Variants in INSIG1 observed in about 807,000 individuals in gnomAD.
INSIG1 encodes the protein insulin induced gene 1, also known as insulin-induced gene 1 protein.
Under a neutral mutation model 26.5 loss-of-function variants are expected in INSIG1, and 14 were observed. The ratio of observed to expected loss-of-function variants is 0.53; its 90% confidence interval spans 0.35 to 0.83. The LOEUF (loss-of-function observed/expected upper bound fraction) is 0.83, where lower values mean the gene tolerates loss of function less well. INSIG1 is among the 40% of genes least tolerant of loss of function. The pLI is 0.01. For missense variants in INSIG1, 272 were observed against 368.9 expected (o/e 0.74, Z 2.15); for synonymous variants, 147 against 153.3 (o/e 0.96, Z 0.30).
At chr7:155,303,340 G>A (rs62471612) in intron 5 of INSIG1, among the ~76,000 whole-genome samples, 29,484 of 152,234 alleles carry the variant, frequency 0.19, 3,430 homozygotes, top group Middle Eastern at 0.28. Context: ...AGTCTGTCTC[G>A]GGCCAGGGCA....
At chr7:155,298,142 G>A (rs929755659) in intron 1 of INSIG1, 117 bp from the exon 2 acceptor site, 5 of 815,834 alleles carry the variant, frequency 6.1e-6, no homozygotes, top group Non-Finnish European at 8.5e-6. Flanking sequence ...GGGCGCACGG[G>A]GGTCTAACCT....
chr7:155,301,844 T>C (rs1054500043), intron 3 of INSIG1, among the ~76,000 whole-genome samples, 154 bp downstream of exon 3: 1 of 151,192 alleles, frequency 6.6e-6, no homozygotes, highest in Non-Finnish European at 1.5e-5. Context: ...GAAAGAAGAA[T>C]GGGGCTATCG....
chr7:155,308,334 T>G lies in INSIG1; in HGVS notation c.*64T>G. 6.3e-7 allele frequency: 1 copy of G among 1,595,028 alleles called. No homozygotes were observed. Among genetic ancestry groups the G allele is most frequent in the East Asian group, 2.2e-5 (1 of 44,786 alleles). On this transcript the variant is annotated 3_prime_UTR_variant, in exon 6 of 6. Transcript: ENST00000340368. Reference sequence around the variant, plus strand: ...TGGAAGAAAATCTGACTGTGGATTATGACAAAGATTATCTTTTTTCTTAAG... The same window carrying G: ...TGGAAGAAAATCTGACTGTGGATTAGGACAAAGATTATCTTTTTTCTTAAG...
chr7:155,303,091 G>A (rs1797834017), intron 5 of INSIG1: 1 of 367,148 alleles, frequency 2.7e-6, no homozygotes, highest in Non-Finnish European at 5.1e-6. Context: ...CCTTTGAATT[G>A]CAGATGTGGT....
intron 5 of INSIG1, among the ~76,000 whole-genome samples, chr7:155,305,290 T>A (rs1310774520): frequency 6.6e-6 from 1 of 152,204 alleles, no homozygotes; most frequent in Non-Finnish European, 1.5e-5. Flanking sequence ...TCCTTACCTC[T>A]GGATCCCAAC....
At position 155,302,977 on chromosome 7, in the gene INSIG1, C is replaced by G; in HGVS notation, c.804+131C>G. On this transcript the variant is annotated intron_variant, in intron 5 of 5. Transcript: ENST00000340368. The surrounding 1 kb of genome is among the most constrained non-coding windows in gnomAD (Gnocchi z 4.3). ...CTTGAGTGACAACTACTGAGAAAAG[C>G]TTATATTTAAAAAAATAGGTAATGA... 1.8e-6 allele frequency: 1 copy of G among 558,880 alleles called. No homozygotes were observed. Among genetic ancestry groups the G allele is most frequent in the East Asian group, 2.8e-5 (1 of 36,304 alleles). 34.6% of individuals were successfully genotyped at this position (558,880 alleles called of 1,614,324 possible).
intron 5 of INSIG1, among the ~76,000 whole-genome samples, chr7:155,304,308 A>G (rs1230805029): frequency 6.6e-6 from 1 of 152,182 alleles, no homozygotes; most frequent in Non-Finnish European, 1.5e-5. Context: ...TGGAAATAGT[A>G]TGTTGTTTTC....
chr7:155,305,480 C>T (rs931107459), intron 5 of INSIG1, among the ~76,000 whole-genome samples: 1 of 152,212 alleles, frequency 6.6e-6, no homozygotes, highest in Admixed American at 6.5e-5. Context: ...CCACATTCCA[C>T]TCTTGTCATA....
Position 155,298,896 on chromosome 7 carries a change from C to G in INSIG1, c.412+199C>G, listed in dbSNP as rs115472901. 4.5e-3 allele frequency among the ~76,000 whole-genome samples: 692 copies of G among 152,342 alleles called. 1 individual carries two copies. Among genetic ancestry groups the G allele is most frequent in the African/African-American group, 0.016 (659 of 41,584 alleles). On this transcript the variant is annotated intron_variant, in intron 2 of 5. Coordinates refer to ENST00000340368, the MANE Select transcript of INSIG1 (RefSeq NM_005542.6). The stretch of plus-strand genomic sequence containing the variant: ...CCCCGAGGGCGGGTTCGGGCCACAG[C>G]TCTCTGAAGTTTGAGGAAGCACAGT...
Position 155,298,274 on chromosome 7 carries a change from C to T in INSIG1, c.-12C>T. 2 of 1,470,660 alleles carry T rather than the reference C, an allele frequency of 1.4e-6. No homozygotes were observed. The highest frequency in any genetic ancestry group is 1.8e-6 in the Non-Finnish European group (2 of 1,115,078). The allele number at this position is 1,470,660 out of a possible 1,614,324, so 91.1% of individuals were successfully genotyped here. On this transcript the variant is annotated 5_prime_UTR_variant, in exon 2 of 6. It adds an upstream start codon to the 5' untranslated region. Coordinates refer to ENST00000340368, the MANE Select transcript of INSIG1 (RefSeq NM_005542.6). Reference sequence around the variant, plus strand: ...CTTCTTCCAGGAAGCGCCTCTTGGACGCGTGTGACCGATGCCCAGATTGCA... The same window carrying T: ...CTTCTTCCAGGAAGCGCCTCTTGGATGCGTGTGACCGATGCCCAGATTGCA...
At chr7:155,298,748 T>G (rs773774481) in intron 2 of INSIG1, 51 bp downstream of exon 2, 1 of 1,526,876 alleles carries the variant, frequency 6.5e-7, no homozygotes, top group East Asian at 2.3e-5. Flanking sequence ...TCTTTTCGGT[T>G]GAAAGTACTT....
chr7:155,302,902 A>G lies in INSIG1; in HGVS notation c.804+56A>G. On this transcript the variant is annotated intron_variant, in intron 5 of 5. Transcript: ENST00000340368. The surrounding 1 kb of genome is among the most constrained non-coding windows in gnomAD (Gnocchi z 4.3). ...ACTTGCGTCTCTTTACCTTGATAGA[A>G]TGACTTTACATGATACATTCAAATT... The G allele has an allele frequency of 8.9e-7, 1 of 1,121,696 alleles. No individual in the cohort carries two copies. The highest frequency in any genetic ancestry group is 1.3e-5 in the South Asian group (1 of 79,286). The allele number at this position is 1,121,696 out of a possible 1,614,324, so 69.5% of individuals were successfully genotyped here. A position where few individuals can be genotyped will look rare whatever the true frequency, so the allele number is the denominator to read the frequency against.
intron 5 of INSIG1, chr7:155,303,899 GA>G: frequency 7.4e-7 from 1 of 1,358,954 alleles, no homozygotes; most frequent in Non-Finnish European, 9.8e-7. Flanking sequence ...ATTACAGGTA[GA>G]ATTTGCAGTC....
intron 5 of INSIG1, among the ~76,000 whole-genome samples, chr7:155,305,968 T>TA (rs1797925444): frequency 6.6e-6 from 1 of 152,188 alleles, no homozygotes; most frequent in South Asian, 2.1e-4. Context: ...ATCAGCCTGT[T>TA]ACGGTTTTTT....
At chr7:155,303,788 C>T in intron 5 of INSIG1, 1 of 1,217,972 alleles carries the variant, frequency 8.2e-7, no homozygotes, top group South Asian at 1.2e-5. Flanking sequence ...CTTAGTACCT[C>T]ATGCTATTTT....
intron 1 of INSIG1, 75 bp from the exon 2 acceptor site, chr7:155,298,184 C>T (rs948264182): frequency 1.3e-4 from 158 of 1,253,060 alleles, no homozygotes; most frequent in Non-Finnish European, 1.6e-4. Context: ...GGCCCGGGTG[C>T]CGGGGTTCGC....
chr7:155,298,259 G>C lies in INSIG1; in HGVS notation c.-27G>C. ...GAACTTGATGACCCCCTTCTTCCAG[G>C]AAGCGCCTCTTGGACGCGTGTGACC... On this transcript the variant is annotated splice_region_variant and 5_prime_UTR_variant, in exon 2 of 6. Coordinates refer to ENST00000340368, the MANE Select transcript of INSIG1 (RefSeq NM_005542.6). 1 of 1,458,808 alleles carries C rather than the reference G, an allele frequency of 6.9e-7. No individual in the cohort carries two copies. The highest frequency in any genetic ancestry group is 9.0e-7 in the Non-Finnish European group (1 of 1,108,878). 90.4% of individuals were successfully genotyped at this position (1,458,808 alleles called of 1,614,324 possible).
Position 155,298,347 on chromosome 7 carries a change from GC to G in INSIG1, c.68del (p.Pro23ArgfsTer15), listed in dbSNP as rs762261778. 2.6e-6 allele frequency: 4 copies of G among 1,509,552 alleles called. No individual in the cohort carries two copies. The highest frequency in any genetic ancestry group is 2.9e-5 in the African/African-American group (2 of 69,434). 93.5% of individuals were successfully genotyped at this position (1,509,552 alleles called of 1,614,324 possible). On this transcript the variant is annotated frameshift_variant, in exon 2 of 6. Transcript: ENST00000340368. LOFTEE classifies it high-confidence loss of function. ...TGTGCGCACAGCGCGAGGCGCCGAG[GC>G]CCCCCGCGAGCCAGCGCCGCGGGGC... ...CSCAHSARRR[G>X]PPRASAAGLA... is the part of the protein sequence containing the mutation.
chr7:155,305,094 C>T (rs969649452), intron 5 of INSIG1, among the ~76,000 whole-genome samples: 5 of 149,264 alleles, frequency 3.3e-5, no homozygotes, highest in African/African-American at 1.2e-4. Flanking sequence ...TGCAATGAGC[C>T]GAGATTGTGC....
Sources: allele counts gnomAD v4.1 joint callset (sites outside exome capture counted in the v4.1 genomes callset), GRCh38; gene constraint gnomAD v4.1.1; non-coding constraint Gnocchi (gnomAD v3.1); transcripts MANE v1.5; gene names NCBI Gene and HGNC (gene_info 2026-07-23, HGNC 2026-07-21).